The following MYRIP variants were observed in gnomAD, a reference collection of about 807,000 sequenced individuals.
MYRIP encodes the protein myosin VIIA and Rab interacting protein.
MYRIP carries 49 observed loss-of-function variants against 98.0 expected under a neutral mutation model. That is an observed-to-expected ratio of 0.50 (90% confidence interval 0.40 to 0.63). The LOEUF (loss-of-function observed/expected upper bound fraction) is 0.63. MYRIP is among the 30% of genes least tolerant of loss of function. The pLI is 0.00. For synonymous variants in MYRIP, 404 were observed against 409.5 expected, an observed-to-expected ratio of 0.99 and a Z score of 0.16; for missense variants, 1,004 against 1,058.2, an observed-to-expected ratio of 0.95 and a Z score of 0.71.
Position 40,034,903 on chromosome 3 carries a change from A to G in MYRIP, c.111-9147A>G, listed in dbSNP as rs577303263. ...GAATACTATGCAGCCATAAAAAAGG[A>G]TGAGTTCATGTCCTTTGTAGGGACA... On this transcript the variant is annotated intron_variant, in intron 2 of 16. Coordinates refer to ENST00000302541, the MANE Select transcript of MYRIP (RefSeq NM_015460.4). Among the ~76,000 whole-genome samples the G allele has an allele frequency of 2.8e-4, 42 of 151,956 alleles. No homozygotes were observed. In the South Asian group the frequency reaches 7.9e-3, roughly 29 times the overall value.
intron 2 of MYRIP, among the ~76,000 whole-genome samples, chr3:39,941,509 GTA>G (rs149437945): frequency 3.3e-5 from 5 of 150,478 alleles, no homozygotes; most frequent in South Asian, 2.1e-4. Context: ...GTGTGTGTGT[GTA>G]TATATATACA....
At chr3:39,978,218 G>T (rs1264031762) in intron 2 of MYRIP, among the ~76,000 whole-genome samples, 1 of 152,154 alleles carries the variant, frequency 6.6e-6, no homozygotes, top group South Asian at 2.1e-4. Flanking sequence ...ATTAGCAATG[G>T]CTATCCTAGT....
intron 2 of MYRIP, among the ~76,000 whole-genome samples, chr3:39,999,432 C>T (rs909904299): frequency 6.6e-6 from 1 of 152,194 alleles, no homozygotes; most frequent in African/African-American, 2.4e-5. Context: ...AAATGCTCAT[C>T]ATCACTGGCC....
At chr3:39,970,941 G>A (rs7611706) in intron 2 of MYRIP, among the ~76,000 whole-genome samples, 31,997 of 151,970 alleles carry the variant, frequency 0.21, 6,870 homozygotes, top group African/African-American at 0.55. Context: ...GCAGATTAAC[G>A]AGGGAAAAAC....
At position 40,167,169 on chromosome 3, in the gene MYRIP, A is replaced by G. The variant is rs1175982010; in HGVS notation, c.659A>G (p.Asn220Ser). The change falls in exon 7 of 17, where the codon AAT becomes AGT. Residue 220 changes from asparagine to serine, a missense_variant. Coordinates refer to ENST00000302541, the MANE Select transcript of MYRIP (RefSeq NM_015460.4). The stretch of plus-strand genomic sequence containing the variant: ...CTCTTCCCTCCTCAGGACAAGCAAA[A>G]TGAGGCCAGTTACCTGCGGGACCAC... ...EAYGDSLDKQNEASYLRDHKE... is the reference protein window; with the variant it reads ...EAYGDSLDKQSEASYLRDHKE... 1 of 1,614,134 alleles carries G rather than the reference A, an allele frequency of 6.2e-7. No homozygotes were observed. The highest frequency in any genetic ancestry group is 1.7e-5 in the Admixed American group (1 of 60,020).
intron 3 of MYRIP, among the ~76,000 whole-genome samples, chr3:40,058,751 CA>C (rs1450397958): frequency 2.1e-4 from 32 of 152,096 alleles, no homozygotes; most frequent in African/African-American, 7.7e-4. Flanking sequence ...ATGGTGGTTT[CA>C]TACTTTCAAT....
chr3:39,984,255 T>G (rs1352232228), intron 2 of MYRIP, among the ~76,000 whole-genome samples: 1 of 151,482 alleles, frequency 6.6e-6, no homozygotes, highest in Non-Finnish European at 1.5e-5. Flanking sequence ...CTTTAAGTTT[T>G]AGGGTACATG....
intron 1 of MYRIP, among the ~76,000 whole-genome samples, chr3:39,815,359 A>G (rs1301906479): frequency 1.3e-5 from 2 of 151,998 alleles, no homozygotes; most frequent in East Asian, 3.9e-4. Context: ...TGAATGTATC[A>G]TTGCTTCATT....
chr3:40,164,873 A>G (rs1024140564), intron 5 of MYRIP, among the ~76,000 whole-genome samples: 1 of 152,228 alleles, frequency 6.6e-6, no homozygotes, highest in African/African-American at 2.4e-5. Flanking sequence ...TCTATCACAC[A>G]GATAGTTATG....
intron 3 of MYRIP, among the ~76,000 whole-genome samples, chr3:40,118,760 G>A (rs111704993): frequency 0.01 from 1,564 of 149,736 alleles, 25 homozygotes; most frequent in African/African-American, 0.036. Context: ...CCCTCCTCCC[G>A]CCCCACAACA....
At chr3:40,234,610 G>A (rs570615312) in intron 12 of MYRIP, among the ~76,000 whole-genome samples, 1 of 152,324 alleles carries the variant, frequency 6.6e-6, no homozygotes, top group African/African-American at 2.4e-5. Context: ...CCAGGTGGGA[G>A]TATTGCCAGT....
chr3:39,844,851 T>C (rs553537265), intron 1 of MYRIP, among the ~76,000 whole-genome samples: 2 of 152,298 alleles, frequency 1.3e-5, no homozygotes, highest in East Asian at 1.9e-4. Flanking sequence ...TTACAAATCA[T>C]TGGATCCGTT....
Position 40,165,420 on chromosome 3 carries a change from T to C in MYRIP, c.551-1426T>C, listed in dbSNP as rs547220275. Among the ~76,000 whole-genome samples the C allele has an allele frequency of 3.7e-4, 57 of 152,370 alleles. No individual in the cohort carries two copies. In the South Asian group the frequency reaches 0.011, roughly 28 times the overall value. ...ATTGAGTAATTAATGAATTGATATA[T>C]TCACACCCTGTCTCATTCCACAAAG... is the stretch of plus-strand genomic sequence containing the variant. On this transcript the variant is annotated intron_variant, in intron 5 of 16. Coordinates refer to ENST00000302541, the MANE Select transcript of MYRIP (RefSeq NM_015460.4).
chr3:39,823,131 T>G (rs1035877867), intron 1 of MYRIP, among the ~76,000 whole-genome samples: 1 of 150,814 alleles, frequency 6.6e-6, no homozygotes, highest in Non-Finnish European at 1.5e-5. Context: ...GTGTTTCTCC[T>G]GCCTCAGCCT....
intron 3 of MYRIP, among the ~76,000 whole-genome samples, chr3:40,072,974 C>A (rs1288977230): frequency 6.6e-6 from 1 of 152,108 alleles, no homozygotes. Flanking sequence ...TGTGTTGCAT[C>A]ATTTTTGAAA....
intron 1 of MYRIP, among the ~76,000 whole-genome samples, chr3:39,816,872 T>C (rs1350611764): frequency 1.3e-5 from 2 of 152,226 alleles, no homozygotes; most frequent in Non-Finnish European, 2.9e-5. Flanking sequence ...ATCCAAACCT[T>C]ATAAAATATT....
intron 2 of MYRIP, among the ~76,000 whole-genome samples, chr3:39,976,569 C>G (rs1389560724): frequency 6.6e-6 from 1 of 152,182 alleles, no homozygotes; most frequent in African/African-American, 2.4e-5. Context: ...GATTATAAAT[C>G]ATGCTTCTAT....
intron 3 of MYRIP, among the ~76,000 whole-genome samples, chr3:40,061,526 A>G (rs61554792): frequency 0.29 from 44,266 of 152,102 alleles, 6,529 homozygotes; most frequent in East Asian, 0.35. Context: ...GCTATTGTGA[A>G]TAGTGCTGCA....
At chr3:40,122,089 CAAT>C (rs1335246401) in intron 3 of MYRIP, among the ~76,000 whole-genome samples, 1 of 151,982 alleles carries the variant, frequency 6.6e-6, no homozygotes, top group African/African-American at 2.4e-5. Flanking sequence ...CCAAATTCAT[CAAT>C]AATATTTTCA....
Sources: allele counts gnomAD v4.1 joint callset (sites outside exome capture counted in the v4.1 genomes callset), GRCh38; gene constraint gnomAD v4.1.1; transcripts MANE v1.5; gene names NCBI Gene and HGNC (gene_info 2026-07-23, HGNC 2026-07-21).